MCOLN2: variants seen among roughly 807,000 people sequenced by gnomAD.
The protein encoded by MCOLN2 is mucolipin-2.
In MCOLN2, 57 loss-of-function variants were observed where a neutral mutation model predicts 67.5. The observed-to-expected ratio is 0.84, with a 90% confidence interval of 0.68 to 1.05. The LOEUF (loss-of-function observed/expected upper bound fraction) is 1.05, where lower values mean the gene tolerates loss of function less well. Among genes scored for constraint, MCOLN2 ranks in the 50% least tolerant of loss-of-function variants. The pLI is 0.00. For missense variants in MCOLN2, 620 were observed against 678.8 expected (o/e 0.91, Z 0.96); for synonymous variants, 246 against 233.3 (o/e 1.05, Z -0.50).
intron 3 of MCOLN2, 103 bp from the exon 4 acceptor site, chr1:84,956,687 A>G: frequency 2.0e-6 from 2 of 978,546 alleles, no homozygotes; most frequent in East Asian, 2.7e-5. Flanking sequence ...TATTGTTTAC[A>G]TCATGGCTCT....
intron 1 of MCOLN2, among the ~76,000 whole-genome samples, chr1:84,984,855 C>A (rs1489374031): frequency 1.3e-5 from 2 of 152,092 alleles, no homozygotes. Context: ...GTTTGCTGGG[C>A]ATGCTGGCTC....
chr1:84,996,026 C>T (rs766512004), intron 1 of MCOLN2, among the ~76,000 whole-genome samples: 7 of 152,078 alleles, frequency 4.6e-5, no homozygotes, highest in Non-Finnish European at 8.8e-5. Context: ...GGAAAGTTCA[C>T]GGCAACGGGA....
intron 1 of MCOLN2, among the ~76,000 whole-genome samples, chr1:84,984,134 A>G (rs1464582790): frequency 6.6e-6 from 1 of 152,192 alleles, no homozygotes; most frequent in East Asian, 1.9e-4. Flanking sequence ...TTTAATGCAA[A>G]TTTTGGATAA....
chr1:84,975,616 C>T (rs369539525), intron 1 of MCOLN2, among the ~76,000 whole-genome samples: 2 of 151,998 alleles, frequency 1.3e-5, no homozygotes, highest in Non-Finnish European at 2.9e-5. Context: ...TTTTCAATGC[C>T]CAGACACAGA....
chr1:84,993,868 G>A (rs541764299), intron 1 of MCOLN2, among the ~76,000 whole-genome samples: 28 of 151,738 alleles, frequency 1.8e-4, no homozygotes, highest in African/African-American at 6.3e-4. Flanking sequence ...CTGACCTCAT[G>A]ATCCACCCGC....
intron 1 of MCOLN2, 152 bp from the exon 2 acceptor site, chr1:84,965,860 GT>G: frequency 1.6e-6 from 1 of 625,666 alleles, no homozygotes; most frequent in Non-Finnish European, 2.6e-6. Context: ...AGCAACTCTA[GT>G]TATGGCAGGG....
At position 84,970,325 on chromosome 1, in the gene MCOLN2, G is replaced by A. The variant is rs149701768; in HGVS notation, c.78-4617C>T. Reference sequence around the variant, plus strand: ...GAGAAACACTGAACTGAAGGACGAAGAAGTTGTTTTCTCGAAACAGTGGTG... The same window carrying A: ...GAGAAACACTGAACTGAAGGACGAAAAAGTTGTTTTCTCGAAACAGTGGTG... On this transcript the variant is annotated intron_variant, in intron 1 of 13. Coordinates refer to ENST00000370608, the MANE Select transcript of MCOLN2 (RefSeq NM_153259.4). 7.7e-3 allele frequency among the ~76,000 whole-genome samples: 1,148 copies of A among 149,098 alleles called. 11 individuals are homozygous for A. Among genetic ancestry groups the A allele is most frequent in the Middle Eastern group, 0.014 (4 of 290 alleles).
chr1:84,931,506 A>AC lies in MCOLN2; in HGVS notation c.1397_1398insG (p.Phe466LeufsTer46), dbSNP rs2102800607. 6.2e-7 allele frequency: 1 copy of AC among 1,614,120 alleles called. No homozygotes were observed. Among genetic ancestry groups the AC allele is most frequent in the East Asian group, 2.2e-5 (1 of 44,882 alleles). On this transcript the variant is annotated frameshift_variant, in exon 12 of 14. Coordinates refer to ENST00000370608, the MANE Select transcript of MCOLN2 (RefSeq NM_153259.4). LOFTEE classifies it high-confidence loss of function. ...TCTGCTGGATTTGGGCAAAGGTTGCAAACATGTCATCACCGTTGACCAGAG... is the reference window on the plus strand; with the variant it reads ...TCTGCTGGATTTGGGCAAAGGTTGCACAACATGTCATCACCGTTGACCAGAG...
intron 6 of MCOLN2, 68 bp downstream of exon 6, chr1:84,952,175 T>C: frequency 2.0e-6 from 2 of 1,020,728 alleles, no homozygotes; most frequent in Non-Finnish European, 3.0e-6. Context: ...CTGTGTTTTA[T>C]ACTCTGCATC....
Position 84,931,374 on chromosome 1 carries a change from A to C in MCOLN2, c.1530T>G (p.Tyr510Ter). Reference sequence around the variant, plus strand: ...GATAATTACTTACCTTAATGGTGTCATAAGAATCTGTAATAAGTGCAATAA... The same window carrying C: ...GATAATTACTTACCTTAATGGTGTCCTAAGAATCTGTAATAAGTGCAATAA... ...SLFIALITDS[Y>*]DTIKKFQQNG... The change falls in exon 12 of 14, where the codon TAT becomes TAG. Residue 510 changes from tyrosine to a stop codon, truncating the protein, a stop_gained. Transcript: ENST00000370608. LOFTEE classifies it high-confidence loss of function. 6.4e-7 allele frequency: 1 copy of C among 1,561,400 alleles called. No homozygotes were observed.
At chr1:84,994,905 T>C (rs529890094) in intron 1 of MCOLN2, among the ~76,000 whole-genome samples, 84 of 152,258 alleles carry the variant, frequency 5.5e-4, no homozygotes, top group African/African-American at 2.0e-3. Flanking sequence ...CACTCCTACC[T>C]TTAAAGTAAG....
At chr1:84,947,560 G>A (rs1214780268) in intron 6 of MCOLN2, among the ~76,000 whole-genome samples, 1 of 152,186 alleles carries the variant, frequency 6.6e-6, no homozygotes, top group Non-Finnish European at 1.5e-5. Flanking sequence ...GACTCTGGTG[G>A]TCCTCATTAT....
intron 1 of MCOLN2, among the ~76,000 whole-genome samples, chr1:84,987,572 GTATACATAGATA>G (rs1380138873): frequency 0.01 from 802 of 78,326 alleles, 81 homozygotes; most frequent in Middle Eastern, 0.033. Context: ...ATACATAGAT[GTATACATAGATA>G]TATACATATG....
chr1:84,992,692 C>T (rs535401881), intron 1 of MCOLN2, among the ~76,000 whole-genome samples: 1 of 152,302 alleles, frequency 6.6e-6, no homozygotes, highest in Admixed American at 6.5e-5. Flanking sequence ...TTTTCCAGTG[C>T]ATATAAAAGT....
At chr1:84,941,783 G>C (rs945027344) in intron 7 of MCOLN2, among the ~76,000 whole-genome samples, 5 of 152,204 alleles carry the variant, frequency 3.3e-5, no homozygotes, top group Admixed American at 2.0e-4. Flanking sequence ...CCAGGACATA[G>C]TGCCAATCTT....
intron 11 of MCOLN2, among the ~76,000 whole-genome samples, chr1:84,936,479 C>CT (rs1345178624): frequency 6.6e-6 from 1 of 152,134 alleles, no homozygotes; most frequent in Non-Finnish European, 1.5e-5. Flanking sequence ...TTTTTCCAGG[C>CT]TCTAAGACAG....
chr1:84,955,850 A>G (rs960590564), intron 4 of MCOLN2, among the ~76,000 whole-genome samples: 1 of 152,228 alleles, frequency 6.6e-6, no homozygotes, highest in Non-Finnish European at 1.5e-5. Context: ...CAACAAAACA[A>G]TAAAATAATG....
intron 13 of MCOLN2, among the ~76,000 whole-genome samples, chr1:84,929,336 T>C (rs1260986776): frequency 6.6e-6 from 1 of 152,246 alleles, no homozygotes; most frequent in Non-Finnish European, 1.5e-5. Context: ...CTTATAGTAT[T>C]TCTAAGAGAT....
intron 1 of MCOLN2, among the ~76,000 whole-genome samples, chr1:84,995,211 A>C (rs1469686655): frequency 2.6e-5 from 4 of 152,188 alleles, no homozygotes; most frequent in Non-Finnish European, 4.4e-5. Flanking sequence ...AAAGTTTGAA[A>C]TATTGAGAGA....
Sources: allele counts gnomAD v4.1 joint callset (sites outside exome capture counted in the v4.1 genomes callset), GRCh38; gene constraint gnomAD v4.1.1; transcripts MANE v1.5; gene names NCBI Gene and HGNC (gene_info 2026-07-23, HGNC 2026-07-21).